Variants in CRHR2 observed in about 807,000 individuals in gnomAD.
CRHR2 encodes the protein corticotropin-releasing hormone receptor 2.
In CRHR2, 53 loss-of-function variants were observed where a neutral mutation model predicts 57.9. The ratio of observed to expected loss-of-function variants is 0.92; its 90% confidence interval spans 0.73 to 1.15. The LOEUF (loss-of-function observed/expected upper bound fraction) is 1.15, where lower values mean the gene tolerates loss of function less well. CRHR2 is among the 50% of genes most tolerant of loss of function. The probability of loss-of-function intolerance (pLI) is 0.00; values close to 1 mark genes in which losing one functional copy is unlikely to be tolerated. For missense variants in CRHR2, 532 were observed against 542.6 expected (o/e 0.98, Z 0.19); for synonymous variants, 213 against 220.9 (o/e 0.96, Z 0.32).
At position 30,662,341 on chromosome 7, in the gene CRHR2, C is replaced by T. The variant is rs984710480; in HGVS notation, c.698-125G>A. 6.3e-6 allele frequency: 7 copies of T among 1,119,490 alleles called. No homozygotes were observed. In the South Asian group the frequency reaches 9.9e-5, roughly 16 times the overall value. The allele number at this position is 1,119,490 out of a possible 1,614,324, so 69.3% of individuals were successfully genotyped here. A position where few individuals can be genotyped will look rare whatever the true frequency, so the allele number is the denominator to read the frequency against. On this transcript the variant is annotated intron_variant, in intron 6 of 11. Coordinates refer to ENST00000471646, the MANE Select transcript of CRHR2 (RefSeq NM_001883.5). ...TACTCTTCCAACAGCAGGCCACCCA[C>T]AACCCCAGGGGTGCCCTGTCCCTCA...
At chr7:30,680,548 G>A (rs998040948) in intron 2 of CRHR2, among the ~76,000 whole-genome samples, 7 of 152,158 alleles carry the variant, frequency 4.6e-5, no homozygotes, top group African/African-American at 1.2e-4. Context: ...CACAGCTCAC[G>A]GAATCCTAAA....
chr7:30,665,493 G>T lies in CRHR2; in HGVS notation c.425+37C>A. On this transcript the variant is annotated intron_variant, in intron 4 of 11. Transcript: ENST00000471646. The surrounding 1 kb of genome is among the most constrained non-coding windows in gnomAD (Gnocchi z 4.5). Reference sequence around the variant, plus strand: ...AGGTGAAGGGGGTGCTGTAGGGGGAGGGATGAGGAGAAAGCAAGGCGGAAG... The same window carrying T: ...AGGTGAAGGGGGTGCTGTAGGGGGATGGATGAGGAGAAAGCAAGGCGGAAG... 1 of 1,493,716 alleles carries T rather than the reference G, an allele frequency of 6.7e-7. No individual in the cohort carries two copies. The highest frequency in any genetic ancestry group is 9.1e-7 in the Non-Finnish European group (1 of 1,094,408). The allele number at this position is 1,493,716 out of a possible 1,614,324, so 92.5% of individuals were successfully genotyped here. A position where few individuals can be genotyped will look rare whatever the true frequency, so the allele number is the denominator to read the frequency against.
chr7:30,655,243 C>T (rs1477488150), intron 10 of CRHR2, among the ~76,000 whole-genome samples, 163 bp from the exon 11 acceptor site: 1 of 152,146 alleles, frequency 6.6e-6, no homozygotes, highest in Non-Finnish European at 1.5e-5. Context: ...GCAGATATTC[C>T]ACGGTCCACT....
At chr7:30,660,529 C>A in intron 8 of CRHR2, 44 bp downstream of exon 8, 1 of 1,545,200 alleles carries the variant, frequency 6.5e-7, no homozygotes, top group South Asian at 1.2e-5. Flanking sequence ...CCTCTTCTGT[C>A]CTCTTGGCAC....
upstream of CRHR2, chr7:30,686,613 A>G (rs1234725812): frequency 2.0e-5 from 22 of 1,126,446 alleles, no homozygotes; most frequent in Non-Finnish European, 2.6e-5. Flanking sequence ...ATTCAAGACC[A>G]GCCTACAAAA....
At position 30,665,417 on chromosome 7, in the gene CRHR2, C is replaced by T. The variant is rs1025362585; in HGVS notation, c.425+113G>A. 7.0e-5 allele frequency: 69 copies of T among 990,404 alleles called. No homozygotes were observed. The highest frequency in any genetic ancestry group is 2.9e-4 in the East Asian group (11 of 38,070). The allele number at this position is 990,404 out of a possible 1,614,324, so 61.4% of individuals were successfully genotyped here. On this transcript the variant is annotated intron_variant, in intron 4 of 11. Transcript: ENST00000471646. The surrounding 1 kb of genome is among the most constrained non-coding windows in gnomAD (Gnocchi z 4.5). ...CCCCACCCAAACCCCACTTTCTCCA[C>T]GGGCCCTTTTATCTGCTGGGCCCCA...
upstream of CRHR2, among the ~76,000 whole-genome samples, chr7:30,685,106 C>A (rs1395617821): frequency 6.6e-6 from 1 of 152,216 alleles, no homozygotes; most frequent in Admixed American, 6.5e-5. Context: ...TTTGGAAGAC[C>A]CCTGTGTACC....
At chr7:30,689,101 C>T in intron 2 of CRHR2, 1 of 1,201,318 alleles carries the variant, frequency 8.3e-7, no homozygotes. Context: ...CCCTGCTGAG[C>T]CTGGGCTGGC....
chr7:30,670,062 C>T (rs910610938), intron 2 of CRHR2, among the ~76,000 whole-genome samples: 4 of 152,060 alleles, frequency 2.6e-5, no homozygotes, highest in Non-Finnish European at 5.9e-5. Context: ...TCTCTTGTAA[C>T]GTAGTTTTTC....
chr7:30,698,374 G>A (rs533511944), intron 1 of CRHR2: 6 of 152,442 alleles, frequency 3.9e-5, no homozygotes, highest in South Asian at 2.1e-4. Context: ...AGCTTCCTCC[G>A]TCTAACCAGC....
chr7:30,678,855 G>A (rs1027106851), intron 2 of CRHR2, among the ~76,000 whole-genome samples: 3 of 152,094 alleles, frequency 2.0e-5, no homozygotes, highest in Non-Finnish European at 2.9e-5. Flanking sequence ...TACAGCCTGC[G>A]GTCTACCTGG....
chr7:30,695,853 G>A (rs1444268168), intron 1 of CRHR2, among the ~76,000 whole-genome samples: 2 of 152,220 alleles, frequency 1.3e-5, no homozygotes, highest in East Asian at 1.9e-4. Flanking sequence ...CCCTGGGCAC[G>A]TGAGCTCACC....
At chr7:30,691,569 T>C (rs1355219845) in intron 1 of CRHR2, among the ~76,000 whole-genome samples, 1 of 152,240 alleles carries the variant, frequency 6.6e-6, no homozygotes, top group African/African-American at 2.4e-5. Context: ...ATCTTCTGGC[T>C]GAGCAAGCAC....
chr7:30,691,063 C>T (rs950490024), intron 1 of CRHR2, among the ~76,000 whole-genome samples: 3 of 152,114 alleles, frequency 2.0e-5, no homozygotes, highest in Non-Finnish European at 4.4e-5. Flanking sequence ...ACCTTGCTGA[C>T]CCCGTGAGCC....
chr7:30,695,217 T>G (rs1361998090), intron 1 of CRHR2, among the ~76,000 whole-genome samples: 2 of 152,038 alleles, frequency 1.3e-5, no homozygotes, highest in Non-Finnish European at 2.9e-5. Context: ...TTTTCTGGTG[T>G]GTTCAGGCAG....
At position 30,653,510 on chromosome 7, in the gene CRHR2, A is replaced by G. The variant is rs1464916330; in HGVS notation, c.1186T>C (p.Ser396Pro). The G allele has an allele frequency of 1.2e-6, 2 of 1,613,248 alleles. No homozygotes were observed. Among genetic ancestry groups the G allele is most frequent in the Non-Finnish European group, 8.5e-7 (1 of 1,179,884 alleles). ...CTGTGGAAGCTGATCCGTGTGGGTG[A>G]TGTAGGGATGGACATGGCCCGGGCC... ...PMARAMSIPTSPTRISFHSIK... is the reference protein window; with the variant it reads ...PMARAMSIPTPPTRISFHSIK... Residue 396 changes from serine to proline, a missense_variant, in exon 12 of 12, where the codon TCA becomes CCA. Physicochemically the swap from Ser to Pro is moderately conservative, Grantham distance 74 (BLOSUM62 -1). Coordinates refer to ENST00000471646, the MANE Select transcript of CRHR2 (RefSeq NM_001883.5). This position sits in a 1 kb window ranked among gnomAD's most constrained non-coding sequence, Gnocchi z 5.0.
chr7:30,686,372 T>C (rs963765770), upstream of CRHR2: 1 of 1,522,652 alleles, frequency 6.6e-7, no homozygotes, highest in Non-Finnish European at 8.8e-7. Context: ...AGTGAGTCAC[T>C]AAGAAAGGAC....
chr7:30,662,671 C>T (rs781672640), intron 6 of CRHR2, 23 bp downstream of exon 6: 1 of 1,606,842 alleles, frequency 6.2e-7, no homozygotes, highest in African/African-American at 1.3e-5. Context: ...CCAACTAGGC[C>T]CTGCTGCCCC....
At chr7:30,700,082 T>A in exon 1 of CRHR2, 2 of 1,268,106 alleles carry the variant, frequency 1.6e-6, no homozygotes, top group East Asian at 6.3e-5. Context: ...CCCAGCACGG[T>A]GGTCACACCC....
Sources: gnomAD v4.1 joint callset for allele counts (sites outside exome capture counted in the v4.1 genomes callset) on GRCh38, gnomAD v4.1.1 for gene constraint, Gnocchi (gnomAD v3.1) non-coding constraint, MANE v1.5 for transcripts, NCBI Gene and HGNC (gene_info 2026-07-23, HGNC 2026-07-21) for gene names.